The following IQUB variants were observed in gnomAD, a reference collection of about 807,000 sequenced individuals.
IQUB encodes the protein IQ motif and ubiquitin-like domain-containing protein.
A neutral mutation model predicts 86.4 loss-of-function variants in IQUB; 86 were observed. The observed-to-expected ratio is 1.00, with a 90% CI of 0.84 to 1.19. IQUB has a LOEUF of 1.19. Ranked by LOEUF, IQUB falls within the 50% of genes most tolerant of loss-of-function variation. The pLI is 0.00. For missense variants in IQUB, 946 were observed against 916.9 expected (o/e 1.03, Z -0.41); for synonymous variants, 289 against 304.5 (o/e 0.95, Z 0.53).
At chr7:123,466,167 CTTATT>C (rs1461371621) in intron 9 of IQUB, among the ~76,000 whole-genome samples, 1 of 151,944 alleles carries the variant, frequency 6.6e-6, no homozygotes, top group East Asian at 1.9e-4. Context: ...TAAATATTAA[CTTATT>C]TTAAGGTTGT....
chr7:123,452,966 A>ATAT, intron 12 of IQUB, 41 bp from the exon 13 acceptor site: 1 of 1,509,734 alleles, frequency 6.6e-7, no homozygotes, highest in Non-Finnish European at 9.0e-7. Context: ...TATCACAGAT[A>ATAT]TATTTTGCCA....
At chr7:123,498,394 T>A (rs1051156272) in intron 6 of IQUB, among the ~76,000 whole-genome samples, 11 of 152,030 alleles carry the variant, frequency 7.2e-5, no homozygotes, top group African/African-American at 2.7e-4. Flanking sequence ...GCAGACTAGA[T>A]ATAGTTAATA....
chr7:123,461,708 G>C, intron 10 of IQUB, 103 bp from the exon 11 acceptor site: 1 of 1,013,456 alleles, frequency 9.9e-7, no homozygotes, highest in Non-Finnish European at 1.3e-6. Context: ...ACTTATCTTA[G>C]AATGAGATTT....
Position 123,511,937 on chromosome 7 carries a change from G to A in IQUB, c.397+7C>T, listed in dbSNP as rs1324969430. ...AAATGAAATAGCCTATCTTCCTTAG[G>A]TAGTACCTGTTGCTAGAGAATCTTC... On this transcript the variant is annotated splice_region_variant and intron_variant, in intron 2 of 12. Coordinates refer to ENST00000324698, the MANE Select transcript of IQUB (RefSeq NM_178827.5). 1 of 1,584,212 alleles carries A rather than the reference G, an allele frequency of 6.3e-7. No homozygotes were observed. The highest frequency in any genetic ancestry group is 8.6e-7 in the Non-Finnish European group (1 of 1,158,560).
chr7:123,525,620 C>T (rs972224597), intron 1 of IQUB, among the ~76,000 whole-genome samples: 22 of 152,182 alleles, frequency 1.4e-4, no homozygotes, highest in South Asian at 6.2e-4. Context: ...TGCTAGCGGT[C>T]TATCAATTTT....
intron 1 of IQUB, among the ~76,000 whole-genome samples, chr7:123,519,539 G>A (rs574136201): frequency 6.6e-6 from 1 of 152,144 alleles, no homozygotes; most frequent in Non-Finnish European, 1.5e-5. Flanking sequence ...AGTAAAATAA[G>A]CAAGGCACAG....
chr7:123,517,669 G>C (rs1796711512), intron 1 of IQUB, among the ~76,000 whole-genome samples: 1 of 151,876 alleles, frequency 6.6e-6, no homozygotes, highest in South Asian at 2.1e-4. Flanking sequence ...GAACCACAGG[G>C]AACTGTCTTC....
intron 9 of IQUB, among the ~76,000 whole-genome samples, chr7:123,466,309 G>T (rs1794259377): frequency 6.6e-6 from 1 of 152,020 alleles, no homozygotes; most frequent in Non-Finnish European, 1.5e-5. Context: ...TGCATAATTT[G>T]CCTTTTATGA....
At chr7:123,526,893 G>C in intron 1 of IQUB, among the ~76,000 whole-genome samples, 1 of 151,998 alleles carries the variant, frequency 6.6e-6, no homozygotes, top group Non-Finnish European at 1.5e-5. Context: ...GGCAGGCCTG[G>C]TGGTGACAAA....
At chr7:123,501,614 CAG>C (rs1795948865) in intron 6 of IQUB, 1 of 152,198 alleles carries the variant, frequency 6.6e-6, no homozygotes. Context: ...GTCACTTTGA[CAG>C]AGAGAAGCAG....
chr7:123,532,326 T>C (rs1418104243), intron 1 of IQUB: 5 of 152,206 alleles, frequency 3.3e-5, no homozygotes, highest in Non-Finnish European at 7.3e-5. Flanking sequence ...CAGTAGGACA[T>C]CTTTAAACAA....
chr7:123,512,428 A>T, intron 1 of IQUB, 84 bp from the exon 2 acceptor site: 1 of 691,506 alleles, frequency 1.4e-6, no homozygotes, highest in Non-Finnish European at 2.2e-6. Context: ...ATAGAGTAAC[A>T]TTCATAATAT....
intron 3 of IQUB, among the ~76,000 whole-genome samples, chr7:123,505,564 C>A (rs111755359): frequency 6.6e-6 from 1 of 152,208 alleles, no homozygotes; most frequent in African/African-American, 2.4e-5. Flanking sequence ...ATGGCTTCCA[C>A]CCTCTGGAGC....
chr7:123,511,799 T>G, intron 2 of IQUB, 145 bp downstream of exon 2: 1 of 574,954 alleles, frequency 1.7e-6, no homozygotes, highest in East Asian at 2.9e-5. Context: ...ATTCAAGCTA[T>G]GTAACTCTGG....
intron 1 of IQUB, among the ~76,000 whole-genome samples, chr7:123,530,454 A>AAAACAACAAC (rs1384910449): frequency 3.3e-5 from 5 of 152,102 alleles, no homozygotes; most frequent in Non-Finnish European, 1.5e-5. Flanking sequence ...AACCAAAAAC[A>AAAACAACAAC]AAACAACAAC....
rs559523353 is a variant in IQUB, at chr7:123,528,342, G to A, written c.-5+6150C>T. 6.6e-5 allele frequency among the ~76,000 whole-genome samples: 10 copies of A among 152,060 alleles called. No individual in the cohort carries two copies. The South Asian group carries it at 1.5e-3, about 22-fold the overall frequency. The stretch of plus-strand genomic sequence containing the variant: ...TATTTGGACATCTTGACTCCTCCCC[G>A]AAAAAAATACTTTTAAAATAAAGCA... On this transcript the variant is annotated intron_variant, in intron 1 of 12. Coordinates refer to ENST00000324698, the MANE Select transcript of IQUB (RefSeq NM_178827.5).
In IQUB at chr7:123,452,579, A is replaced by T; in HGVS notation, c.*164T>A. 1 of 411,772 alleles carries T rather than the reference A, an allele frequency of 2.4e-6. No individual in the cohort carries two copies. The highest frequency in any genetic ancestry group is 4.3e-6 in the Non-Finnish European group (1 of 234,664). 25.5% of individuals were successfully genotyped at this position (411,772 alleles called of 1,614,324 possible). ...ACCAACTTCCTAACAAAGAATACTT[A>T]CTTATATAGAAATGTTTTCTCTTTA... On this transcript the variant is annotated 3_prime_UTR_variant, in exon 13 of 13. Coordinates refer to ENST00000324698, the MANE Select transcript of IQUB (RefSeq NM_178827.5).
chr7:123,496,884 T>C lies in IQUB; in HGVS notation c.1046A>G (p.Tyr349Cys). 1.2e-6 allele frequency: 2 copies of C among 1,611,042 alleles called. No individual in the cohort carries two copies. Among genetic ancestry groups the C allele is most frequent in the African/African-American group, 1.3e-5 (1 of 74,952 alleles). The change falls in exon 7 of 13, where the codon TAC (tyrosine) becomes TGC (cysteine). Residue 349 changes from tyrosine to cysteine, a missense_variant. Coordinates refer to ENST00000324698, the MANE Select transcript of IQUB (RefSeq NM_178827.5). ...GAAGATTTTAGCATGCCATTGCCTG[T>C]AGTAAGTCTGTATCACTATCACCTA... ...LKAVIVIQTYYRQWHAKIFVE... is the reference protein window; with the variant it reads ...LKAVIVIQTYCRQWHAKIFVE...
At chr7:123,475,165 T>C (rs1794692534) in intron 8 of IQUB, among the ~76,000 whole-genome samples, 1 of 152,192 alleles carries the variant, frequency 6.6e-6, no homozygotes, top group South Asian at 2.1e-4. Context: ...CTCCTCACTT[T>C]ACCTTATCTA....
Sources: gnomAD v4.1 joint callset for allele counts (sites outside exome capture counted in the v4.1 genomes callset) on GRCh38, gnomAD v4.1.1 for gene constraint, MANE v1.5 for transcripts, NCBI Gene and HGNC (gene_info 2026-07-23, HGNC 2026-07-21) for gene names.